TPD52L2: variants seen among roughly 807,000 people sequenced by gnomAD.
TPD52L2 encodes the protein tumor protein D54.
Under a neutral mutation model 24.7 loss-of-function variants are expected in TPD52L2, and 19 were observed. That is an observed-to-expected ratio of 0.77 (90% CI 0.54 to 1.13). TPD52L2 has a LOEUF of 1.13. Ranked by LOEUF, TPD52L2 falls within the 50% of genes most tolerant of loss-of-function variation. The probability of loss-of-function intolerance (pLI) is 0.00; values close to 1 mark genes in which losing one functional copy is unlikely to be tolerated. For missense variants in TPD52L2, 236 were observed against 250.4 expected (o/e 0.94, Z 0.39); for synonymous variants, 104 against 100.2 (o/e 1.04, Z -0.23).
chr20:63,875,962 AC>A, intron 4 of TPD52L2, 87 bp downstream of exon 4: 3 of 1,353,232 alleles, frequency 2.2e-6, no homozygotes, highest in Non-Finnish European at 3.1e-6. Flanking sequence ...CACACTTGGC[AC>A]AAAGCTTGTT....
intron 2 of TPD52L2, among the ~76,000 whole-genome samples, chr20:63,872,042 C>CTTTTT (rs34989051): frequency 9.4e-6 from 1 of 106,928 alleles, no homozygotes; most frequent in Non-Finnish European, 2.0e-5. Flanking sequence ...AGGTCATGTT[C>CTTTTT]TTTTTTTTTT....
chr20:63,876,888 C>G (rs184562437), intron 4 of TPD52L2: 2 of 455,282 alleles, frequency 4.4e-6, no homozygotes, highest in Non-Finnish European at 8.8e-6. Context: ...TCTGGGGACC[C>G]GGGCGGTTCA....
At chr20:63,876,639 A>T in intron 4 of TPD52L2, 1 of 398,526 alleles carries the variant, frequency 2.5e-6, no homozygotes, top group Non-Finnish European at 5.1e-6. Context: ...GTTGCCACAG[A>T]ACATGGGCAG....
Position 63,890,004 on chromosome 20 carries a change from G to A in TPD52L2, c.*59G>A, listed in dbSNP as rs917745754. On this transcript the variant is annotated 3_prime_UTR_variant, in exon 7 of 7. Transcript: ENST00000346249. ...GCAACCCAGCCTCAGCATCACAGCC[G>A]CAGCTCTGTTCAGCGGAGCAGCCAG... The A allele has an allele frequency of 1.1e-5, 18 of 1,606,806 alleles. No individual in the cohort carries two copies. The highest frequency in any genetic ancestry group is 2.2e-5 in the East Asian group (1 of 44,642).
At chr20:63,885,342 C>T (rs1276690636) in intron 5 of TPD52L2, among the ~76,000 whole-genome samples, 1 of 152,218 alleles carries the variant, frequency 6.6e-6, no homozygotes, top group African/African-American at 2.4e-5. Flanking sequence ...TCAGATGAGG[C>T]ATCGGCCCTC....
At chr20:63,867,965 T>A (rs2052320986) in intron 1 of TPD52L2, among the ~76,000 whole-genome samples, 2 of 151,644 alleles carry the variant, frequency 1.3e-5, no homozygotes, top group Admixed American at 6.6e-5. Context: ...TTAAAGAATT[T>A]TTTTTTGGCC....
At chr20:63,875,014 C>A (rs868205046) in intron 3 of TPD52L2, among the ~76,000 whole-genome samples, 2 of 151,928 alleles carry the variant, frequency 1.3e-5, no homozygotes, top group Non-Finnish European at 2.9e-5. Flanking sequence ...TGGTGGTGCG[C>A]ACCTGTGATC....
At chr20:63,865,569 G>A (rs1213349814) in intron 1 of TPD52L2, among the ~76,000 whole-genome samples, 185 bp downstream of exon 1, 1 of 152,122 alleles carries the variant, frequency 6.6e-6, no homozygotes, top group Admixed American at 6.5e-5. Flanking sequence ...TTTTTTGCCC[G>A]CGGCCCAGAC....
At position 63,869,515 on chromosome 20, in the gene TPD52L2, A is replaced by G. The variant is rs1488985706; in HGVS notation, c.165+74A>G. The G allele has an allele frequency of 3.2e-6, 5 of 1,567,416 alleles. No homozygotes were observed. The African/African-American group carries it at 6.8e-5, about 21-fold the overall frequency. On this transcript the variant is annotated intron_variant, in intron 2 of 6. Transcript: ENST00000346249. ...TCTTGGATTAGTGAGAGGCCAGGGT[A>G]CTGGCCACGCTCGGGAGGAATTGCC...
intron 3 of TPD52L2, 75 bp from the exon 4 acceptor site, chr20:63,875,741 G>T: frequency 6.7e-7 from 1 of 1,493,690 alleles, no homozygotes; most frequent in South Asian, 1.1e-5. Context: ...GTCTTCCCTG[G>T]AACTTCACCT....
intron 1 of TPD52L2, among the ~76,000 whole-genome samples, chr20:63,867,962 A>AT (rs1201933332): frequency 1.4e-5 from 2 of 146,566 alleles, no homozygotes; most frequent in Non-Finnish European, 3.0e-5. Flanking sequence ...TTTTTAAAGA[A>AT]TTTTTTTTTG....
intron 5 of TPD52L2, among the ~76,000 whole-genome samples, chr20:63,884,086 C>T (rs185902070): frequency 7.2e-4 from 110 of 152,310 alleles, no homozygotes; most frequent in Non-Finnish European, 1.4e-3. Flanking sequence ...ACTTCTATTT[C>T]GAGAAGTTTT....
chr20:63,875,082 C>T (rs2052616563), intron 3 of TPD52L2, among the ~76,000 whole-genome samples: 1 of 151,102 alleles, frequency 6.6e-6, no homozygotes, highest in South Asian at 2.1e-4. Context: ...GCGGAGGTTG[C>T]AGTGAGCCAA....
chr20:63,872,402 C>T (rs2052501667), intron 2 of TPD52L2, among the ~76,000 whole-genome samples: 2 of 152,050 alleles, frequency 1.3e-5, no homozygotes, highest in South Asian at 4.2e-4. Flanking sequence ...GTTTTTGAAA[C>T]AGTCTCGGTC....
intron 1 of TPD52L2, among the ~76,000 whole-genome samples, chr20:63,866,930 A>G (rs1020467868): frequency 2.0e-5 from 3 of 149,516 alleles, no homozygotes; most frequent in Non-Finnish European, 3.0e-5. Flanking sequence ...CAGGCGCACC[A>G]TGCCAGGTTA....
At chr20:63,887,701 C>G in intron 5 of TPD52L2, 1 of 1,288,082 alleles carries the variant, frequency 7.8e-7, no homozygotes, top group Non-Finnish European at 1.1e-6. Flanking sequence ...TCCCATATTC[C>G]TGGATTAATT....
chr20:63,886,557 T>C (rs1449992741), intron 5 of TPD52L2, among the ~76,000 whole-genome samples: 1 of 151,902 alleles, frequency 6.6e-6, no homozygotes, highest in Non-Finnish European at 1.5e-5. Context: ...GAGACGGGGT[T>C]TCACCGTGGT....
chr20:63,879,153 G>A (rs556853177), intron 4 of TPD52L2, among the ~76,000 whole-genome samples: 1 of 152,330 alleles, frequency 6.6e-6, no homozygotes, highest in East Asian at 1.9e-4. Context: ...CCAGGGAGGC[G>A]CTGGTGGTGG....
chr20:63,869,223 G>C, intron 1 of TPD52L2, 73 bp from the exon 2 acceptor site: 1 of 1,579,540 alleles, frequency 6.3e-7, no homozygotes. Context: ...CTTTTGTCCT[G>C]CTAGAGACCT....
Sources: gnomAD v4.1 joint callset for allele counts (sites outside exome capture counted in the v4.1 genomes callset) on GRCh38, gnomAD v4.1.1 for gene constraint, MANE v1.5 for transcripts, NCBI Gene and HGNC (gene_info 2026-07-23, HGNC 2026-07-21) for gene names.